The following CELF5 variants were observed in gnomAD, a reference collection of about 807,000 sequenced individuals.
CELF5 encodes the protein CUGBP Elav-like family member 5, also known as CUG-BP and ETR-3 like factor 5.
In CELF5, 6 loss-of-function variants were observed where a neutral mutation model predicts 54.9. The observed-to-expected ratio is 0.11, with a 90% CI of 0.06 to 0.22. The LOEUF is 0.22. CELF5 is among the 10% of genes least tolerant of loss of function. CELF5 has a pLI of 1.00. For missense variants in CELF5, 401 were observed against 678.6 expected, an observed-to-expected ratio of 0.59 and a Z score of 4.54; for synonymous variants, 271 against 290.9, an observed-to-expected ratio of 0.93 and a Z score of 0.70.
At position 3,224,689 on chromosome 19, in the gene CELF5, A is replaced by C; in HGVS notation, c.-51A>C. The stretch of plus-strand genomic sequence containing the variant: ...AGGCGCGGCCGCCGCTCCAGCTGCG[A>C]GTCCGCCCGCCGCCCGCCGCCGCCG... On this transcript the variant is annotated 5_prime_UTR_variant, in exon 1 of 13. Transcript: ENST00000292672. 1.0e-6 allele frequency: 1 copy of C among 992,534 alleles called. No homozygotes were observed. Among genetic ancestry groups the C allele is most frequent in the Non-Finnish European group, 1.2e-6 (1 of 835,682 alleles). 61.5% of individuals were successfully genotyped at this position (992,534 alleles called of 1,614,324 possible). A position where few individuals can be genotyped will look rare whatever the true frequency, so the allele number is the denominator to read the frequency against.
Position 3,282,633 on chromosome 19 carries a change from G to C in CELF5, c.1039+135G>C, listed in dbSNP as rs2080172548. ...GGAAAAAGGGTGTCTCCGCTGAGCAGATAAGAGCTGTGGACACAGGAAGGG... is the reference window on the plus strand; with the variant it reads ...GGAAAAAGGGTGTCTCCGCTGAGCACATAAGAGCTGTGGACACAGGAAGGG... On this transcript the variant is annotated intron_variant, in intron 8 of 12. Transcript: ENST00000292672. The surrounding 1 kb of genome is among the most constrained non-coding windows in gnomAD (Gnocchi z 5.2). The C allele has an allele frequency of 2.0e-6, 2 of 991,900 alleles. No homozygotes were observed. The highest frequency in any genetic ancestry group is 5.0e-5 in the East Asian group (2 of 39,760). The allele number at this position is 991,900 out of a possible 1,614,324, so 61.4% of individuals were successfully genotyped here. A position where few individuals can be genotyped will look rare whatever the true frequency, so the allele number is the denominator to read the frequency against.
chr19:3,225,564 G>T, intron 1 of CELF5: 1 of 976,568 alleles, frequency 1.0e-6, no homozygotes, highest in Non-Finnish European at 1.2e-6. Context: ...AAGCCAGGCC[G>T]GCGGGGCAGG....
intron 11 of CELF5, among the ~76,000 whole-genome samples, chr19:3,292,531 G>T (rs1286219918): frequency 6.6e-6 from 1 of 152,064 alleles, no homozygotes; most frequent in African/African-American, 2.4e-5. Flanking sequence ...TGATCTGCCC[G>T]TCTTGGCCTC....
At chr19:3,276,017 A>G (rs1599460262) in intron 4 of CELF5, 33 bp downstream of exon 4, 2 of 361,696 alleles carry the variant, frequency 5.5e-6, no homozygotes, top group Non-Finnish European at 7.3e-6. Flanking sequence ...GGACTGCGAG[A>G]GGGGCCGGGC....
At chr19:3,288,145 G>A (rs2080284283) in intron 10 of CELF5, among the ~76,000 whole-genome samples, 2 of 152,162 alleles carry the variant, frequency 1.3e-5, no homozygotes, top group South Asian at 4.1e-4. Flanking sequence ...AGTTTTGGTG[G>A]GGATGAAGCA....
chr19:3,226,552 C>T (rs1021418957), intron 1 of CELF5, among the ~76,000 whole-genome samples: 2 of 151,930 alleles, frequency 1.3e-5, no homozygotes, highest in Non-Finnish European at 2.9e-5. Context: ...CCCCATAAGT[C>T]AATATCTGGA....
chr19:3,250,042 T>C (rs539435991), intron 1 of CELF5, among the ~76,000 whole-genome samples: 5 of 152,282 alleles, frequency 3.3e-5, no homozygotes, highest in Admixed American at 2.0e-4. Flanking sequence ...CGGGGGTGTA[T>C]GTGTGTGCAG....
At chr19:3,229,759 A>C (rs1408404980) in intron 1 of CELF5, among the ~76,000 whole-genome samples, 1 of 152,204 alleles carries the variant, frequency 6.6e-6, no homozygotes, top group African/African-American at 2.4e-5. Flanking sequence ...GACTACGCTG[A>C]GGCCCGAAGC....
At chr19:3,240,768 C>A (rs1007002041) in intron 1 of CELF5, among the ~76,000 whole-genome samples, 1 of 152,156 alleles carries the variant, frequency 6.6e-6, no homozygotes, top group South Asian at 2.1e-4. Context: ...CCCTGCCTTT[C>A]TCTTGGCCCG....
At chr19:3,240,762 GC>G (rs2079480249) in intron 1 of CELF5, among the ~76,000 whole-genome samples, 1 of 152,096 alleles carries the variant, frequency 6.6e-6, no homozygotes, top group South Asian at 2.1e-4. Flanking sequence ...CCCCAGCCCT[GC>G]CTTTCTCTTG....
Position 3,275,996 on chromosome 19 carries a change from G to C in CELF5, c.523+12G>C. The C allele has an allele frequency of 3.1e-6, 5 of 1,600,146 alleles. No individual in the cohort carries two copies. The highest frequency in any genetic ancestry group is 4.3e-6 in the Non-Finnish European group (5 of 1,174,714). ...CGGCAGCAGCAAAGGTGACTGGCGG[G>C]GGCCGGGGCGGGACTGCGAGAGGGG... On this transcript the variant is annotated intron_variant, in intron 4 of 12. Transcript: ENST00000292672. This position sits in a 1 kb window ranked among gnomAD's most constrained non-coding sequence, Gnocchi z 6.7.
intron 2 of CELF5, among the ~76,000 whole-genome samples, chr19:3,271,794 C>T (rs1045304881): frequency 4.6e-5 from 7 of 151,752 alleles, no homozygotes; most frequent in African/African-American, 1.5e-4. Context: ...GAAGAGTGGG[C>T]ACGGAGCTGG....
At chr19:3,226,304 G>T (rs1003894042) in intron 1 of CELF5, among the ~76,000 whole-genome samples, 15 of 148,030 alleles carry the variant, frequency 1.0e-4, no homozygotes, top group South Asian at 2.1e-4. Flanking sequence ...AATGAATGAA[G>T]GGGTTCAAGA....
At chr19:3,286,306 T>A in intron 10 of CELF5, 3 of 411,982 alleles carry the variant, frequency 7.3e-6, no homozygotes, top group Non-Finnish European at 8.6e-6. Flanking sequence ...TTCTCTGGAT[T>A]TTTTGGAAAG....
At chr19:3,250,850 C>CA in intron 1 of CELF5, 135 bp from the exon 2 acceptor site, 1 of 638,962 alleles carries the variant, frequency 1.6e-6, no homozygotes, top group Non-Finnish European at 2.9e-6. Context: ...TGCGTGGATG[C>CA]ACCAGGTTGT....
intron 1 of CELF5, 99 bp downstream of exon 1, chr19:3,225,097 C>G: frequency 1.3e-6 from 1 of 781,082 alleles, no homozygotes; most frequent in East Asian, 3.4e-5. Flanking sequence ...CTCTGCTCAC[C>G]TCCCTCCTCT....
intron 1 of CELF5, among the ~76,000 whole-genome samples, chr19:3,238,916 G>A (rs890973724): frequency 1.3e-5 from 2 of 152,078 alleles, no homozygotes; most frequent in African/African-American, 4.8e-5. Flanking sequence ...AACAAAGCGA[G>A]ACTCCATCTC....
intron 4 of CELF5, among the ~76,000 whole-genome samples, chr19:3,276,735 A>G (rs1482474313): frequency 7.2e-6 from 1 of 139,296 alleles, no homozygotes; most frequent in Non-Finnish European, 1.6e-5. Flanking sequence ...GGGAAGGGCA[A>G]GGCTTCTCCA....
rs754659273 is a variant in CELF5 at position 3,286,032 on chromosome 19, C to T, written c.1186+7C>T. ...CAGCAGCAGCAGCGAGAAGGTGAGG[C>T]GGCCGCAACCTCCCCTGGGCGCCAG... On this transcript the variant is annotated splice_region_variant and intron_variant, in intron 10 of 12. Coordinates refer to ENST00000292672, the MANE Select transcript of CELF5 (RefSeq NM_021938.4). The T allele has an allele frequency of 1.9e-6, 3 of 1,566,356 alleles. No individual in the cohort carries two copies. Among genetic ancestry groups the T allele is most frequent in the East Asian group, 2.4e-5 (1 of 42,294 alleles).
Sources: allele counts gnomAD v4.1 joint callset (sites outside exome capture counted in the v4.1 genomes callset), GRCh38; gene constraint gnomAD v4.1.1; non-coding constraint Gnocchi (gnomAD v3.1); transcripts MANE v1.5; gene names NCBI Gene and HGNC (gene_info 2026-07-23, HGNC 2026-07-21).